Variants in GALNT10 observed in about 807,000 individuals in gnomAD.
GALNT10 encodes GalNAc transferase 10.
Under a neutral mutation model 75.0 loss-of-function variants are expected in GALNT10, and 41 were observed. That is an observed-to-expected ratio of 0.55 (90% CI 0.43 to 0.71). The LOEUF (loss-of-function observed/expected upper bound fraction) is 0.71, where lower values mean the gene tolerates loss of function less well. Among genes scored for constraint, GALNT10 ranks in the 30% least tolerant of loss-of-function variants. The pLI is 0.00. For missense variants in GALNT10, 727 were observed against 818.5 expected, an observed-to-expected ratio of 0.89 and a Z score of 1.36; for synonymous variants, 302 against 313.0, an observed-to-expected ratio of 0.96 and a Z score of 0.37.
intron 1 of GALNT10, among the ~76,000 whole-genome samples, chr5:154,289,039 G>A (rs796575321): frequency 9.2e-5 from 14 of 152,304 alleles, no homozygotes; most frequent in African/African-American, 3.4e-4. Context: ...TGGTAGATAG[G>A]TTGCCTCTGC....
intron 1 of GALNT10, among the ~76,000 whole-genome samples, chr5:154,269,785 G>A (rs1403653788): frequency 1.3e-5 from 2 of 152,216 alleles, no homozygotes; most frequent in South Asian, 2.1e-4. Flanking sequence ...GACATCCTTC[G>A]GAAGGGAATT....
rs752228142 is a variant in GALNT10 at position 154,386,375 on chromosome 5, G to A, written c.1001G>A (p.Gly334Glu). 2 of 1,614,060 alleles carry A rather than the reference G, an allele frequency of 1.2e-6. No homozygotes were observed. The highest frequency in any genetic ancestry group is 3.3e-5 in the Admixed American group (2 of 60,008). The change falls in exon 7 of 12, where the codon GGG becomes GAG. Residue 334 changes from glycine (G) to glutamate (E), a missense_variant. Physicochemically the swap from Gly to Glu is moderately conservative, Grantham distance 98 (BLOSUM62 -2). Transcript: ENST00000297107. ...CGGAAGTGGTTCTGGGAACTCGGCG[G>A]GTATGACCCAGGCTTGGAGATCTGG... ...VDRKWFWELG[G>E]YDPGLEIWGG...
chr5:154,393,090 T>C (rs1055949894), intron 7 of GALNT10: 8 of 134,684 alleles, frequency 5.9e-5, no homozygotes, highest in Non-Finnish European at 8.1e-5. Flanking sequence ...CCATTTTTTT[T>C]CAGACAGGAT....
intron 6 of GALNT10, among the ~76,000 whole-genome samples, chr5:154,383,393 C>A (rs1017951153): frequency 1.3e-5 from 2 of 152,176 alleles, no homozygotes; most frequent in African/African-American, 4.8e-5. Context: ...TTTAACATTT[C>A]TGATTTTCAA....
intron 7 of GALNT10, among the ~76,000 whole-genome samples, chr5:154,398,946 T>C (rs543916682): frequency 3.4e-4 from 52 of 152,262 alleles, no homozygotes; most frequent in African/African-American, 1.0e-3. Flanking sequence ...GTGGTGGTGT[T>C]TCTCGTCCTT....
intron 4 of GALNT10, among the ~76,000 whole-genome samples, chr5:154,357,799 C>T (rs914226022): frequency 2.0e-5 from 3 of 152,134 alleles, no homozygotes; most frequent in African/African-American, 7.2e-5. Flanking sequence ...ACTCCCAACC[C>T]TCCAACCTGG....
At chr5:154,367,254 A>G in intron 4 of GALNT10, among the ~76,000 whole-genome samples, 1 of 152,234 alleles carries the variant, frequency 6.6e-6, no homozygotes, top group East Asian at 1.9e-4. Context: ...GTTCCCAGAC[A>G]TGTAGAATCA....
At chr5:154,315,333 C>T (rs982471476) in intron 3 of GALNT10, among the ~76,000 whole-genome samples, 3 of 152,218 alleles carry the variant, frequency 2.0e-5, no homozygotes, top group Non-Finnish European at 4.4e-5. Flanking sequence ...AAAGGCCACA[C>T]AGCCAAGCCC....
At chr5:154,299,379 G>A (rs560255062) in intron 3 of GALNT10, among the ~76,000 whole-genome samples, 2 of 152,314 alleles carry the variant, frequency 1.3e-5, no homozygotes, top group Admixed American at 1.3e-4. Context: ...TCCCTGTGAG[G>A]TTATTATAAC....
rs1358575768 is a variant in GALNT10, at chr5:154,416,081, G to A, written c.1653+149G>A. The A allele has an allele frequency of 1.4e-6, 1 of 703,020 alleles. No individual in the cohort carries two copies. Among genetic ancestry groups the A allele is most frequent in the African/African-American group, 1.8e-5 (1 of 55,660 alleles). The allele number at this position is 703,020 out of a possible 1,614,324, so 43.5% of individuals were successfully genotyped here. The stretch of plus-strand genomic sequence containing the variant: ...CGGATTTTGTAGTCATTCAAGAGTA[G>A]TCAGAAATCTAGACTTCACTGTGAA... On this transcript the variant is annotated intron_variant, in intron 11 of 11. Transcript: ENST00000297107. The surrounding 1 kb of genome is among the most constrained non-coding windows in gnomAD (Gnocchi z 4.5).
At chr5:154,387,978 C>G (rs1755833530) in intron 7 of GALNT10, 2 of 149,602 alleles carry the variant, frequency 1.3e-5, no homozygotes. Context: ...GATCTTGGCT[C>G]ACTGCAGCCT....
chr5:154,295,408 AAG>A (rs1410160712), intron 2 of GALNT10, among the ~76,000 whole-genome samples: 1 of 149,518 alleles, frequency 6.7e-6, no homozygotes, highest in African/African-American at 2.5e-5. Flanking sequence ...CTGTGGCGCT[AAG>A]AGGGGTGGTA....
intron 3 of GALNT10, among the ~76,000 whole-genome samples, chr5:154,323,744 C>T (rs1011822074): frequency 6.6e-5 from 10 of 152,332 alleles, no homozygotes; most frequent in African/African-American, 2.2e-4. Flanking sequence ...CCTTCCTCCT[C>T]GCAGGCTTGT....
At chr5:154,208,511 A>G (rs865997240) in intron 1 of GALNT10, among the ~76,000 whole-genome samples, 49 of 152,204 alleles carry the variant, frequency 3.2e-4, no homozygotes, top group African/African-American at 1.2e-3. Flanking sequence ...TTTTAAAATG[A>G]GCCTGATAAT....
At chr5:154,311,609 G>A (rs1403793498) in intron 3 of GALNT10, among the ~76,000 whole-genome samples, 2 of 150,976 alleles carry the variant, frequency 1.3e-5, no homozygotes, top group East Asian at 3.9e-4. Flanking sequence ...ACAGAGAATG[G>A]AGACTTTTTT....
At chr5:154,212,471 C>T (rs545535995) in intron 1 of GALNT10, among the ~76,000 whole-genome samples, 9 of 152,370 alleles carry the variant, frequency 5.9e-5, no homozygotes, top group Middle Eastern at 3.4e-3. Flanking sequence ...ACTTCACTTA[C>T]GTTACTTCAT....
intron 9 of GALNT10, among the ~76,000 whole-genome samples, chr5:154,410,377 CAAAAAAA>C (rs58402180): frequency 8.0e-5 from 7 of 87,008 alleles, no homozygotes; most frequent in Non-Finnish European, 1.4e-4. Flanking sequence ...CCTGTCTCTA[CAAAAAAA>C]AAAAAAAAAA....
At chr5:154,304,422 A>G (rs1013455821) in intron 3 of GALNT10, among the ~76,000 whole-genome samples, 1 of 152,220 alleles carries the variant, frequency 6.6e-6, no homozygotes, top group African/African-American at 2.4e-5. Context: ...TAAGAGGAGA[A>G]TTCTTGTTGT....
intron 3 of GALNT10, among the ~76,000 whole-genome samples, chr5:154,310,869 T>C (rs1051488809): frequency 1.3e-5 from 2 of 152,236 alleles, no homozygotes; most frequent in Admixed American, 1.3e-4. Flanking sequence ...ATAACAGTTA[T>C]TGATCCATTG....
Sources: allele counts gnomAD v4.1 joint callset (sites outside exome capture counted in the v4.1 genomes callset), GRCh38; gene constraint gnomAD v4.1.1; non-coding constraint Gnocchi (gnomAD v3.1); transcripts MANE v1.5; gene names NCBI Gene and HGNC (gene_info 2026-07-23, HGNC 2026-07-21).